CELF1: variants seen among roughly 807,000 people sequenced by gnomAD.
The protein encoded by CELF1 is 50 kDa nuclear polyadenylated RNA-binding protein.
A neutral mutation model predicts 61.8 loss-of-function variants in CELF1; 10 were observed. That is an observed-to-expected ratio of 0.16 (90% confidence interval 0.10 to 0.27). The LOEUF (loss-of-function observed/expected upper bound fraction) is 0.27, where lower values mean the gene tolerates loss of function less well. CELF1 is among the 10% of genes least tolerant of loss of function. The pLI, the probability that CELF1 is intolerant of heterozygous loss-of-function variation, is 1.00. For missense variants in CELF1, 380 were observed against 639.1 expected (o/e 0.59, Z 4.37); for synonymous variants, 236 against 225.1 (o/e 1.05, Z -0.43).
chr11:47,502,377 C>A (rs2094009992), intron 1 of CELF1, among the ~76,000 whole-genome samples: 1 of 152,048 alleles, frequency 6.6e-6, no homozygotes, highest in African/African-American at 2.4e-5. Context: ...AAATTAATCA[C>A]AAGTCAATTT....
At chr11:47,502,326 G>C (rs1431653191) in intron 1 of CELF1, among the ~76,000 whole-genome samples, 1 of 152,130 alleles carries the variant, frequency 6.6e-6, no homozygotes, top group African/African-American at 2.4e-5. Flanking sequence ...AGTTATCTCA[G>C]TATAATTAAA....
chr11:47,495,881 C>T (rs983781996), intron 3 of CELF1: 1 of 526,520 alleles, frequency 1.9e-6, no homozygotes, highest in African/African-American at 2.1e-5. Context: ...TTTCACTCCC[C>T]CTTTCTCATT....
intron 9 of CELF1, among the ~76,000 whole-genome samples, chr11:47,481,197 C>T (rs181536530): frequency 1.8e-4 from 26 of 147,462 alleles, no homozygotes; most frequent in Admixed American, 8.3e-4. Flanking sequence ...CTGCAACCTC[C>T]GCTCAGTGCA....
chr11:47,548,539 C>G (rs993912871), intron 1 of CELF1, among the ~76,000 whole-genome samples: 7 of 152,072 alleles, frequency 4.6e-5, no homozygotes, highest in African/African-American at 1.7e-4. Context: ...GAGAAAATAT[C>G]TGCAAATCAT....
chr11:47,548,819 T>G (rs1201956261), intron 1 of CELF1, among the ~76,000 whole-genome samples: 1 of 129,972 alleles, frequency 7.7e-6, no homozygotes, highest in Non-Finnish European at 1.5e-5. Flanking sequence ...TGAGCAGAGA[T>G]CACACCACTG....
chr11:47,491,400 T>C (rs1182371274), intron 3 of CELF1, among the ~76,000 whole-genome samples: 2 of 152,152 alleles, frequency 1.3e-5, no homozygotes, highest in African/African-American at 4.8e-5. Context: ...GCTCAAGTGA[T>C]CCACCTGCCT....
chr11:47,529,117 G>C (rs2096371724), intron 1 of CELF1, among the ~76,000 whole-genome samples: 1 of 147,096 alleles, frequency 6.8e-6, no homozygotes, highest in African/African-American at 2.5e-5. Flanking sequence ...TTGCTCTGTA[G>C]CTCAGGCTGG....
At chr11:47,540,536 T>C (rs979995994) in intron 1 of CELF1, among the ~76,000 whole-genome samples, 3 of 152,202 alleles carry the variant, frequency 2.0e-5, no homozygotes, top group Admixed American at 6.6e-5. Context: ...ATCACCACCC[T>C]GACTTCCTTT....
intron 1 of CELF1, among the ~76,000 whole-genome samples, chr11:47,544,003 G>A (rs942900897): frequency 2.0e-5 from 3 of 152,106 alleles, no homozygotes; most frequent in African/African-American, 7.2e-5. Context: ...CCTAACAGTA[G>A]ACTCTCAAAG....
chr11:47,474,960 T>C (rs1468091053), intron 13 of CELF1, among the ~76,000 whole-genome samples: 1 of 152,144 alleles, frequency 6.6e-6, no homozygotes, highest in Admixed American at 6.5e-5. Flanking sequence ...ATGATATAGC[T>C]AAAAGGGACA....
intron 1 of CELF1, among the ~76,000 whole-genome samples, chr11:47,520,511 C>T (rs557784864): frequency 6.6e-6 from 1 of 152,182 alleles, no homozygotes; most frequent in South Asian, 2.1e-4. Context: ...GGTGCAGGAA[C>T]GAGGTAAAGA....
chr11:47,520,729 T>C (rs1370070704), intron 1 of CELF1, among the ~76,000 whole-genome samples: 19 of 151,994 alleles, frequency 1.3e-4, no homozygotes, highest in Admixed American at 1.1e-3. Flanking sequence ...GGAGGATCAC[T>C]TGACCCTGGG....
chr11:47,478,818 T>C, intron 10 of CELF1, 59 bp downstream of exon 10: 1 of 1,363,562 alleles, frequency 7.3e-7, no homozygotes. Context: ...CCAAGACTGT[T>C]GTTAGCTGGG....
intron 12 of CELF1, among the ~76,000 whole-genome samples, chr11:47,476,458 C>T (rs1183085886): frequency 1.3e-5 from 2 of 152,124 alleles, no homozygotes; most frequent in Non-Finnish European, 2.9e-5. Flanking sequence ...CGGACTCTCG[C>T]TCTGTCACCC....
intron 2 of CELF1, 24 bp downstream of exon 2, chr11:47,500,837 T>C (rs915980617): frequency 5.0e-6 from 2 of 398,508 alleles, no homozygotes; most frequent in Non-Finnish European, 8.8e-6. Context: ...TTTCTTTCCA[T>C]TTTTATCATT....
At position 47,471,348 on chromosome 11, in the gene CELF1, T is replaced by C. The variant is rs2077651646; in HGVS notation, c.*882A>G. Reference sequence around the variant, plus strand: ...AACTGCAAAGAAGGAAACCAGGCAATGTATTCCATAGAGGCCTTTAAAGAG... The same window carrying C: ...AACTGCAAAGAAGGAAACCAGGCAACGTATTCCATAGAGGCCTTTAAAGAG... On this transcript the variant is annotated 3_prime_UTR_variant, in exon 15 of 15. Transcript: ENST00000687097. 6.6e-6 allele frequency: 1 copy of C among 152,096 alleles called. No individual in the cohort carries two copies. The highest frequency in any genetic ancestry group is 1.5e-5 in the Non-Finnish European group (1 of 68,024). The allele number at this position is 152,096 out of a possible 1,614,324, so 9.4% of individuals were successfully genotyped here.
At chr11:47,561,874 C>T (rs557763476) in intron 2 of CELF1, among the ~76,000 whole-genome samples, 71 of 151,796 alleles carry the variant, frequency 4.7e-4, no homozygotes, top group African/African-American at 1.5e-3. Context: ...ACAACATGGA[C>T]GAACCTTGAA....
At chr11:47,495,177 GAT>G (rs1436292104) in intron 3 of CELF1, among the ~76,000 whole-genome samples, 1 of 152,246 alleles carries the variant, frequency 6.6e-6, no homozygotes, top group Non-Finnish European at 1.5e-5. Flanking sequence ...TGCAACTAGA[GAT>G]AGCATGGGTT....
intron 1 of CELF1, among the ~76,000 whole-genome samples, chr11:47,548,857 C>T (rs1414309561): frequency 1.5e-5 from 2 of 129,060 alleles, no homozygotes; most frequent in Admixed American, 8.2e-5. Context: ...CAGAGCAAGA[C>T]TCCATCTCAA....
Sources: gnomAD v4.1 joint callset for allele counts (sites outside exome capture counted in the v4.1 genomes callset) on GRCh38, gnomAD v4.1.1 for gene constraint, MANE v1.5 for transcripts, NCBI Gene and HGNC (gene_info 2026-07-23, HGNC 2026-07-21) for gene names.